FAM184A: variants seen among roughly 807,000 people sequenced by gnomAD.
FAM184A encodes protein FAM184A.
In FAM184A, 99 loss-of-function variants were observed where a neutral mutation model predicts 143.8. That is an observed-to-expected ratio of 0.69 (90% CI 0.58 to 0.81). The LOEUF (loss-of-function observed/expected upper bound fraction) is 0.81, where lower values mean the gene tolerates loss of function less well. FAM184A is among the 40% of genes least tolerant of loss of function. The pLI, the probability that FAM184A is intolerant of heterozygous loss-of-function variation, is 0.00. For missense variants in FAM184A, 1,217 were observed against 1,310.5 expected, an observed-to-expected ratio of 0.93 and a Z score of 1.10; for synonymous variants, 427 against 446.4, an observed-to-expected ratio of 0.96 and a Z score of 0.55.
intron 1 of FAM184A, among the ~76,000 whole-genome samples, chr6:119,119,151 C>G (rs1034406728): frequency 2.0e-5 from 3 of 152,190 alleles, no homozygotes; most frequent in African/African-American, 7.2e-5. Context: ...TGCTGTCAAA[C>G]CCTGTCTCCC....
intron 1 of FAM184A, among the ~76,000 whole-genome samples, chr6:119,122,374 G>A (rs1789238691): frequency 6.6e-6 from 1 of 152,148 alleles, no homozygotes. Flanking sequence ...ATTTAGAAGA[G>A]TAGAAGAGGA....
chr6:119,146,925 T>C (rs1379527836), intron 1 of FAM184A, among the ~76,000 whole-genome samples: 1 of 151,920 alleles, frequency 6.6e-6, no homozygotes, highest in Non-Finnish European at 1.5e-5. Flanking sequence ...CAGGCTTGCA[T>C]TTATAGCTCT....
chr6:119,101,351 C>A (rs937602193), intron 1 of FAM184A, among the ~76,000 whole-genome samples: 1 of 152,172 alleles, frequency 6.6e-6, no homozygotes, highest in South Asian at 2.1e-4. Flanking sequence ...GGATTACAGG[C>A]GTGAACCACT....
chr6:118,999,779 C>T (rs1235721588), intron 9 of FAM184A, among the ~76,000 whole-genome samples: 1 of 152,194 alleles, frequency 6.6e-6, no homozygotes, highest in Non-Finnish European at 1.5e-5. Context: ...CCACAGGAGA[C>T]TGCAAGTCAT....
chr6:119,050,504 T>TAA (rs148556333), intron 1 of FAM184A, among the ~76,000 whole-genome samples: 6,846 of 148,256 alleles, frequency 0.046, 354 homozygotes, highest in African/African-American at 0.13. Flanking sequence ...TATGCAGCCA[T>TAA]AAAAAAAAAA....
At chr6:119,120,824 CTTCCTTT>C (rs1562158702) in intron 1 of FAM184A, among the ~76,000 whole-genome samples, 3,907 of 130,122 alleles carry the variant, frequency 0.03, 164 homozygotes, top group African/African-American at 0.1. Flanking sequence ...TTCTTTCTTT[CTTCCTTT>C]CTTTCTTTCT....
At chr6:118,972,599 T>C (rs1374722075) in intron 14 of FAM184A, among the ~76,000 whole-genome samples, 1 of 152,190 alleles carries the variant, frequency 6.6e-6, no homozygotes, top group Non-Finnish European at 1.5e-5. Flanking sequence ...ATTCTTTGAT[T>C]ATTAAAAATG....
intron 1 of FAM184A, among the ~76,000 whole-genome samples, chr6:119,038,707 T>A (rs1212568588): frequency 6.6e-6 from 1 of 152,186 alleles, no homozygotes; most frequent in Admixed American, 6.5e-5. Flanking sequence ...ATTATTTTAT[T>A]TCTTTACTTT....
intron 9 of FAM184A, among the ~76,000 whole-genome samples, chr6:118,994,443 T>C (rs1318256193): frequency 1.3e-5 from 2 of 151,544 alleles, no homozygotes; most frequent in Non-Finnish European, 2.9e-5. Context: ...TCCCAGCACT[T>C]TGGGAGGCTG....
chr6:119,094,056 T>C (rs980300160), intron 1 of FAM184A, among the ~76,000 whole-genome samples: 2 of 138,616 alleles, frequency 1.4e-5, no homozygotes, highest in African/African-American at 2.6e-5. Context: ...TCCTTCCTTC[T>C]TTCCTTTCTT....
chr6:119,059,823 T>A (rs953944708), intron 1 of FAM184A, among the ~76,000 whole-genome samples: 6 of 152,352 alleles, frequency 3.9e-5, no homozygotes, highest in African/African-American at 1.4e-4. Context: ...AAAATGGCTA[T>A]ATTGAGTTTT....
intron 1 of FAM184A, among the ~76,000 whole-genome samples, chr6:119,029,376 A>G (rs1330363879): frequency 2.0e-5 from 3 of 152,112 alleles, no homozygotes; most frequent in African/African-American, 7.2e-5. Flanking sequence ...TCTAATATTA[A>G]ATTTCCCTCG....
chr6:119,115,164 A>C (rs955448652), intron 1 of FAM184A, among the ~76,000 whole-genome samples: 4 of 152,220 alleles, frequency 2.6e-5, no homozygotes. Flanking sequence ...TCCATCAACC[A>C]TATTTAAACT....
intron 1 of FAM184A, among the ~76,000 whole-genome samples, chr6:119,059,590 C>T (rs1433434928): frequency 1.3e-5 from 2 of 152,198 alleles, no homozygotes; most frequent in African/African-American, 4.8e-5. Flanking sequence ...TTAACATCCT[C>T]TCCACTTACT....
At chr6:119,027,526 C>T (rs1205620926) in intron 1 of FAM184A, among the ~76,000 whole-genome samples, 1 of 152,138 alleles carries the variant, frequency 6.6e-6, no homozygotes, top group Non-Finnish European at 1.5e-5. Context: ...CTTTTAGGGA[C>T]CTGCAAACCC....
intron 1 of FAM184A, among the ~76,000 whole-genome samples, chr6:119,061,417 G>A (rs1253267432): frequency 2.0e-5 from 3 of 151,398 alleles, no homozygotes; most frequent in East Asian, 3.9e-4. Flanking sequence ...GTGCAGTGAT[G>A]CAATCACAGC....
intron 1 of FAM184A, among the ~76,000 whole-genome samples, chr6:119,134,866 G>T (rs972836270): frequency 3.3e-5 from 5 of 152,008 alleles, no homozygotes; most frequent in Admixed American, 3.3e-4. Context: ...TCAATCCAAG[G>T]GTGTGGAGCA....
intron 1 of FAM184A, among the ~76,000 whole-genome samples, chr6:119,098,097 TGAG>T (rs1331329195): frequency 1.3e-5 from 2 of 152,150 alleles, no homozygotes; most frequent in Non-Finnish European, 2.9e-5. Context: ...AGGGACCCGG[TGAG>T]AGATAATTGA....
chr6:119,011,268 TA>T, intron 6 of FAM184A, 40 bp downstream of exon 6: 1 of 1,554,630 alleles, frequency 6.4e-7, no homozygotes, highest in Non-Finnish European at 8.8e-7. Context: ...TTATTATTAT[TA>T]AAATCTATAA....
Sources: allele counts gnomAD v4.1 joint callset (sites outside exome capture counted in the v4.1 genomes callset), GRCh38; gene constraint gnomAD v4.1.1; transcripts MANE v1.5; gene names NCBI Gene and HGNC (gene_info 2026-07-23, HGNC 2026-07-21).